SPNS3: variants seen among roughly 807,000 people sequenced by gnomAD.
The protein encoded by SPNS3 is protein spinster homolog 3.
Under a neutral mutation model 54.4 loss-of-function variants are expected in SPNS3, and 51 were observed. That is an observed-to-expected ratio of 0.94 (90% confidence interval 0.75 to 1.18). The LOEUF (loss-of-function observed/expected upper bound fraction) is 1.18, where lower values mean the gene tolerates loss of function less well. SPNS3 is among the 50% of genes most tolerant of loss of function. SPNS3 has a pLI of 0.00. For missense variants in SPNS3, 669 were observed against 677.4 expected, an observed-to-expected ratio of 0.99 and a Z score of 0.14; for synonymous variants, 309 against 294.7, an observed-to-expected ratio of 1.05 and a Z score of -0.50.
intron 8 of SPNS3, among the ~76,000 whole-genome samples, chr17:4,455,342 T>A (rs531664704): frequency 3.9e-5 from 6 of 152,106 alleles, no homozygotes; most frequent in Non-Finnish European, 8.8e-5. Context: ...TGCGATTCTG[T>A]CCTCTCCAGA....
At chr17:4,481,204 CAG>C (rs965028261) in intron 9 of SPNS3, among the ~76,000 whole-genome samples, 24 of 151,118 alleles carry the variant, frequency 1.6e-4, no homozygotes, top group African/African-American at 5.6e-4. Context: ...CTCCAGGGAG[CAG>C]AGAGGGGCAA....
intron 4 of SPNS3, 62 bp from the exon 5 acceptor site, chr17:4,446,834 G>A: frequency 6.6e-7 from 1 of 1,513,838 alleles, no homozygotes; most frequent in Non-Finnish European, 9.2e-7. Context: ...TCAGGCTGGT[G>A]GTGGGGTCTG....
chr17:4,450,124 G>A (rs77712029), intron 7 of SPNS3, among the ~76,000 whole-genome samples: 8,780 of 151,590 alleles, frequency 0.058, 446 homozygotes, highest in African/African-American at 0.13. Flanking sequence ...CTCTGACCCT[G>A]TCCTGGTGGG....
intron 8 of SPNS3, among the ~76,000 whole-genome samples, chr17:4,466,137 A>G (rs887295637): frequency 2.0e-5 from 3 of 152,244 alleles, no homozygotes; most frequent in Non-Finnish European, 4.4e-5. Context: ...CCACTCACTT[A>G]TGAAATCTTT....
intron 8 of SPNS3, among the ~76,000 whole-genome samples, chr17:4,477,488 C>CTT (rs5818957): frequency 6.6e-6 from 1 of 151,288 alleles, no homozygotes; most frequent in Non-Finnish European, 1.5e-5. Flanking sequence ...AAATGAGACT[C>CTT]TTTTTTTCTC....
At chr17:4,478,799 C>G (rs1232852367) in intron 9 of SPNS3, among the ~76,000 whole-genome samples, 162 bp downstream of exon 9, 1 of 152,206 alleles carries the variant, frequency 6.6e-6, no homozygotes, top group African/African-American at 2.4e-5. Context: ...CTGACACTCT[C>G]AAACATCTCT....
At position 4,434,175 on chromosome 17, in the gene SPNS3, G is replaced by A; in HGVS notation, c.199+9G>A. The stretch of plus-strand genomic sequence containing the variant: ...CTGGTTCATCATTGCAGGTGAGGAG[G>A]GGATGGCTACCCTGGGCAGTACCTG... On this transcript the variant is annotated intron_variant, in intron 1 of 11. Coordinates refer to ENST00000355530, the MANE Select transcript of SPNS3 (RefSeq NM_182538.5). 6.2e-7 allele frequency: 1 copy of A among 1,604,392 alleles called. No homozygotes were observed. Among genetic ancestry groups the A allele is most frequent in the South Asian group, 1.1e-5 (1 of 89,862 alleles).
intron 8 of SPNS3, among the ~76,000 whole-genome samples, chr17:4,469,324 T>A (rs550303913): frequency 6.6e-6 from 1 of 151,802 alleles, no homozygotes; most frequent in Admixed American, 6.6e-5. Flanking sequence ...TGGGCTTGAG[T>A]GATCCGCCTG....
chr17:4,481,218 C>T (rs112035964), intron 9 of SPNS3, among the ~76,000 whole-genome samples: 2,644 of 151,070 alleles, frequency 0.018, 17 homozygotes, highest in Middle Eastern at 0.031. Context: ...GAGGGGCAAG[C>T]AGGAGGAGAG....
intron 2 of SPNS3, among the ~76,000 whole-genome samples, 174 bp downstream of exon 2, chr17:4,439,897 T>C (rs528812791): frequency 3.9e-5 from 6 of 152,254 alleles, no homozygotes; most frequent in African/African-American, 1.4e-4. Context: ...GAGCCTGGGC[T>C]GGAACAGCCA....
intron 8 of SPNS3, among the ~76,000 whole-genome samples, chr17:4,458,385 T>A (rs1482959270): frequency 1.8e-5 from 2 of 112,958 alleles, no homozygotes; most frequent in African/African-American, 5.1e-5. Flanking sequence ...CTCCCTTTCT[T>A]TCTTCTTTCT....
chr17:4,461,139 T>C (rs377752681), intron 8 of SPNS3, among the ~76,000 whole-genome samples: 112 of 152,072 alleles, frequency 7.4e-4, no homozygotes, highest in Non-Finnish European at 1.2e-3. Flanking sequence ...TGGCACACAA[T>C]AGTTTATATT....
intron 2 of SPNS3, among the ~76,000 whole-genome samples, chr17:4,442,113 C>T (rs1970868597): frequency 6.6e-6 from 1 of 151,956 alleles, no homozygotes; most frequent in South Asian, 2.1e-4. Flanking sequence ...CCAGGCTGGT[C>T]TCTGGTGGCC....
Position 4,487,982 on chromosome 17 carries a change from G to A in SPNS3, c.*88G>A. Reference sequence around the variant, plus strand: ...CGGTTCCTCTTTGGCTGTCCTCGGGGACTCCGGCTGAGGCACATCTGCCAC... The same window carrying A: ...CGGTTCCTCTTTGGCTGTCCTCGGGAACTCCGGCTGAGGCACATCTGCCAC... On this transcript the variant is annotated 3_prime_UTR_variant, in exon 12 of 12. Coordinates refer to ENST00000355530, the MANE Select transcript of SPNS3 (RefSeq NM_182538.5). The A allele has an allele frequency of 8.5e-7, 1 of 1,176,548 alleles. No homozygotes were observed. Among genetic ancestry groups the A allele is most frequent in the Non-Finnish European group, 1.3e-6 (1 of 799,788 alleles). 72.9% of individuals were successfully genotyped at this position (1,176,548 alleles called of 1,614,324 possible).
At chr17:4,467,334 G>A (rs1469307930) in intron 8 of SPNS3, among the ~76,000 whole-genome samples, 2 of 152,008 alleles carry the variant, frequency 1.3e-5, no homozygotes, top group East Asian at 1.9e-4. Flanking sequence ...CCAAAACTTC[G>A]TGGCTTAAAA....
intron 8 of SPNS3, among the ~76,000 whole-genome samples, chr17:4,462,178 C>T (rs1446902933): frequency 0.081 from 6 of 74 alleles, no homozygotes; most frequent in African/African-American, 0.12. Flanking sequence ...TCCATCCATC[C>T]ATCCATCCAT....
chr17:4,444,909 TG>T, intron 2 of SPNS3, 122 bp from the exon 3 acceptor site: 2 of 1,166,722 alleles, frequency 1.7e-6, no homozygotes, highest in Non-Finnish European at 2.5e-6. Context: ...CCTCATACCC[TG>T]GGCCCACTGC....
At position 4,434,041 on chromosome 17, in the gene SPNS3, G is replaced by T. The variant is rs761137335; in HGVS notation, c.74G>T (p.Gly25Val). The T allele has an allele frequency of 1.9e-6, 3 of 1,608,232 alleles. No individual in the cohort carries two copies. The highest frequency in any genetic ancestry group is 1.7e-6 in the Non-Finnish European group (2 of 1,177,374). ...GGLQGQSPGP[G>V]RQCPPPITPT... Reference sequence around the variant, plus strand: ...CTGCAGGGCCAGTCCCCAGGGCCAGGCAGGCAGTGTCCCCCTCCCATCACG... The same window carrying T: ...CTGCAGGGCCAGTCCCCAGGGCCAGTCAGGCAGTGTCCCCCTCCCATCACG... The change falls in exon 1 of 12, where the codon GGC (glycine) becomes GTC (valine). Residue 25 changes from glycine to valine, a missense_variant. Gly to Val is a moderately radical substitution (Grantham distance 109). Transcript: ENST00000355530.
rs188349517 is a variant in SPNS3 at position 4,487,518 on chromosome 17, G to A, written c.1451-288G>A. Among the ~76,000 whole-genome samples, 153 of 152,324 alleles carry A rather than the reference G, an allele frequency of 1.0e-3. 1 individual carries two copies. Among genetic ancestry groups the A allele is most frequent in the East Asian group, 3.1e-3 (16 of 5,190 alleles). On this transcript the variant is annotated intron_variant, in intron 11 of 11. Transcript: ENST00000355530. ...GTGGGGCTTCCAGGAGAGGAGCACCGAGGTGGTCTGATTGATGTTGCCAAA... is the reference window on the plus strand; with the variant it reads ...GTGGGGCTTCCAGGAGAGGAGCACCAAGGTGGTCTGATTGATGTTGCCAAA...
Sources: gnomAD v4.1 joint callset for allele counts (sites outside exome capture counted in the v4.1 genomes callset) on GRCh38, gnomAD v4.1.1 for gene constraint, MANE v1.5 for transcripts, NCBI Gene and HGNC (gene_info 2026-07-23, HGNC 2026-07-21) for gene names.